Variants in EP400 observed in about 807,000 individuals in gnomAD.
EP400 encodes the protein E1A-binding protein p400.
In EP400, 105 loss-of-function variants were observed where a neutral mutation model predicts 354.1. That is an observed-to-expected ratio of 0.30 (90% confidence interval 0.25 to 0.35). EP400 has a LOEUF of 0.35. EP400 is among the 10% of genes least tolerant of loss of function. The pLI is 1.00. For synonymous variants in EP400, 1,646 were observed against 1,716.9 expected, an observed-to-expected ratio of 0.96 and a Z score of 1.02; for missense variants, 3,280 against 4,121.0, an observed-to-expected ratio of 0.80 and a Z score of 5.59.
At chr12:131,999,330 C>T (rs1325286705) in intron 12 of EP400, among the ~76,000 whole-genome samples, 1 of 152,052 alleles carries the variant, frequency 6.6e-6, no homozygotes, top group Non-Finnish European at 1.5e-5. Flanking sequence ...TATGATGATA[C>T]CTTTAATGTT....
chr12:132,041,773 T>C (rs577705705), intron 32 of EP400, among the ~76,000 whole-genome samples: 4 of 152,312 alleles, frequency 2.6e-5, no homozygotes, highest in African/African-American at 9.6e-5. Flanking sequence ...CCTTTCACTG[T>C]AGCTGCAGGG....
intron 2 of EP400, among the ~76,000 whole-genome samples, chr12:131,971,641 T>G (rs1156472384): frequency 6.6e-6 from 1 of 152,212 alleles, no homozygotes; most frequent in Non-Finnish European, 1.5e-5. Flanking sequence ...AACAGACATT[T>G]TGGGTAGTAA....
At chr12:132,072,193 T>C (rs1221216827) in intron 51 of EP400, among the ~76,000 whole-genome samples, 1 of 152,204 alleles carries the variant, frequency 6.6e-6, no homozygotes, top group Non-Finnish European at 1.5e-5. Flanking sequence ...ACTCCTGAAC[T>C]CAAGCAGTTC....
chr12:132,066,720 A>G, intron 48 of EP400, 54 bp from the exon 49 acceptor site: 2 of 1,534,672 alleles, frequency 1.3e-6, no homozygotes, highest in Non-Finnish European at 1.8e-6. Flanking sequence ...GTATTTGGAA[A>G]GACATACCGT....
intron 15 of EP400, among the ~76,000 whole-genome samples, chr12:132,010,831 A>G (rs919045356): frequency 2.0e-5 from 3 of 152,188 alleles, no homozygotes; most frequent in Admixed American, 6.5e-5. Context: ...AATCCCAGCT[A>G]CACAGGAGGC....
At chr12:131,991,533 T>C (rs1045397764) in intron 10 of EP400, 77 bp downstream of exon 10, 32 of 1,317,028 alleles carry the variant, frequency 2.4e-5, no homozygotes, top group Admixed American at 1.0e-4. Context: ...TTCATTCTTA[T>C]CCAGAGGAAT....
chr12:132,062,433 C>T, intron 46 of EP400, 33 bp from the exon 47 acceptor site: 1 of 1,611,988 alleles, frequency 6.2e-7, no homozygotes, highest in Non-Finnish European at 8.5e-7. Flanking sequence ...GCGAGTATCC[C>T]TGTCCAGACC....
chr12:131,956,438 C>A (rs1242957372), intron 1 of EP400, among the ~76,000 whole-genome samples: 2 of 152,170 alleles, frequency 1.3e-5, no homozygotes, highest in African/African-American at 4.8e-5. Flanking sequence ...AGAACTTCAA[C>A]ATTGGAAATT....
At chr12:131,962,801 T>G (rs978709431) in intron 2 of EP400, among the ~76,000 whole-genome samples, 7 of 152,212 alleles carry the variant, frequency 4.6e-5, no homozygotes, top group Non-Finnish European at 1.0e-4. Flanking sequence ...TAGTGTATAC[T>G]ATGTTGGTGG....
rs906481563 is a variant in EP400 at position 132,052,360 on chromosome 12, C to G, written c.7395-786C>G. On this transcript the variant is annotated intron_variant, in intron 41 of 52. Transcript: ENST00000389561. This position sits in a 1 kb window ranked among gnomAD's most constrained non-coding sequence, Gnocchi z 4.4. ...AAGGAGTTGGCTCAGGGCCCATCTC[C>G]GCAAACCCCCAGGACTCCCTACTGC... 6.6e-6 allele frequency among the ~76,000 whole-genome samples: 1 copy of G among 152,178 alleles called. No homozygotes were observed. The highest frequency in any genetic ancestry group is 1.5e-5 in the Non-Finnish European group (1 of 68,032).
rs1896043274 is a variant in EP400 at position 132,070,764 on chromosome 12, T to G, written c.9021+1123T>G. ...TTTAATGAAGTTTTCTAATATTTTG[T>G]GAAAGTGTTATAGATTATGTTAGTT... On this transcript the variant is annotated intron_variant, in intron 51 of 52. Coordinates refer to ENST00000389561, the MANE Select transcript of EP400 (RefSeq NM_015409.5). This position sits in a 1 kb window ranked among gnomAD's most constrained non-coding sequence, Gnocchi z 4.1. Among the ~76,000 whole-genome samples, 1 of 152,252 alleles carries G rather than the reference T, an allele frequency of 6.6e-6. No homozygotes were observed. Among genetic ancestry groups the G allele is most frequent in the Non-Finnish European group, 1.5e-5 (1 of 68,040 alleles).
intron 2 of EP400, among the ~76,000 whole-genome samples, chr12:131,969,131 A>G (rs1892205385): frequency 6.6e-6 from 1 of 151,878 alleles, no homozygotes. Flanking sequence ...TCCACCTTTA[A>G]GTAAGATGTT....
At chr12:131,963,138 AAAAC>A (rs1356167801) in intron 2 of EP400, among the ~76,000 whole-genome samples, 1 of 152,248 alleles carries the variant, frequency 6.6e-6, no homozygotes, top group Non-Finnish European at 1.5e-5. Flanking sequence ...CTTAGAAAGA[AAAAC>A]AAATTCGTTT....
chr12:132,061,626 A>G (rs969942173), intron 45 of EP400, among the ~76,000 whole-genome samples: 3 of 152,192 alleles, frequency 2.0e-5, no homozygotes, highest in African/African-American at 7.2e-5. Flanking sequence ...TGCAGGGCAC[A>G]GTGAGGATGC....
intron 39 of EP400, among the ~76,000 whole-genome samples, chr12:132,046,214 G>A (rs527375097): frequency 5.9e-5 from 9 of 152,344 alleles, no homozygotes; most frequent in Non-Finnish European, 1.3e-4. Context: ...TCATTTCTAA[G>A]ATAATGAGGG....
rs752148703 is a variant in EP400, at chr12:132,006,200, C to G, written c.3024C>G (p.Ala1008=). 5 of 1,613,986 alleles carry G rather than the reference C, an allele frequency of 3.1e-6. No homozygotes were observed. The highest frequency in any genetic ancestry group is 4.2e-6 in the Non-Finnish European group (5 of 1,180,042). Residue 1008 remains alanine, a synonymous_variant, in exon 14 of 53, where the codon GCC becomes GCG. Transcript: ENST00000389561. ...TCATCATGGATCAGTTCAAAGCTGC[C>G]GAGAGGATGAATATCGGGAAGCCAA... ...SLFIMDQFKA[A]ERMNIGKPNA...
chr12:132,077,277 TC>T, intron 52 of EP400, 123 bp from the exon 53 acceptor site: 1 of 1,239,190 alleles, frequency 8.1e-7, no homozygotes, highest in Non-Finnish European at 1.1e-6. Context: ...TGGTCATTCT[TC>T]CGTGTCATAA....
In EP400 at chr12:132,025,944, A is replaced by G; in HGVS notation, c.5014+140A>G. On this transcript the variant is annotated intron_variant, in intron 25 of 52. Transcript: ENST00000389561. This position sits in a 1 kb window ranked among gnomAD's most constrained non-coding sequence, Gnocchi z 4.1. ...GTGTGTGGCCATCTCTGATTTCTAT[A>G]GATGTGTCCTAGTGTCAGCCTGATT... is the stretch of plus-strand genomic sequence containing the variant. The G allele has an allele frequency of 9.4e-7, 1 of 1,064,730 alleles. No homozygotes were observed. Among genetic ancestry groups the G allele is most frequent in the Non-Finnish European group, 1.3e-6 (1 of 790,100 alleles). 66.0% of individuals were successfully genotyped at this position (1,064,730 alleles called of 1,614,324 possible). A position where few individuals can be genotyped will look rare whatever the true frequency, so the allele number is the denominator to read the frequency against.
intron 27 of EP400, 126 bp downstream of exon 27, chr12:132,028,414 C>T: frequency 8.0e-7 from 1 of 1,256,068 alleles, no homozygotes; most frequent in Non-Finnish European, 1.1e-6. Context: ...CCTTAGCGGT[C>T]TGTTTTGAAG....
Sources: allele counts gnomAD v4.1 joint callset (sites outside exome capture counted in the v4.1 genomes callset), GRCh38; gene constraint gnomAD v4.1.1; non-coding constraint Gnocchi (gnomAD v3.1); transcripts MANE v1.5; gene names NCBI Gene and HGNC (gene_info 2026-07-23, HGNC 2026-07-21).